GLIS3: variants seen among roughly 807,000 people sequenced by gnomAD.
GLIS3 encodes GLIS family zinc finger 3.
Under a neutral mutation model 78.6 loss-of-function variants are expected in GLIS3, and 53 were observed. The ratio of observed to expected loss-of-function variants is 0.67; its 90% CI spans 0.54 to 0.85. The LOEUF (loss-of-function observed/expected upper bound fraction) is 0.85. GLIS3 is among the 40% of genes least tolerant of loss of function. The pLI, the probability that GLIS3 is intolerant of heterozygous loss-of-function variation, is 0.00. For missense variants in GLIS3, 1,703 were observed against 1,231.1 expected (o/e 1.38, Z -5.74); for synonymous variants, 684 against 509.9 (o/e 1.34, Z -4.60).
chr9:4,321,111 A>G (rs1342496981), intron 2 of GLIS3, among the ~76,000 whole-genome samples: 1 of 143,374 alleles, frequency 7.0e-6, no homozygotes, highest in East Asian at 2.0e-4. Context: ...AATACTCAGC[A>G]TGGTCTCCGC....
rs75067046 is a variant in GLIS3 at position 4,182,335 on chromosome 9, C to T, written c.389-56394G>A. Among the ~76,000 whole-genome samples, 1,387 of 152,250 alleles carry T rather than the reference C, an allele frequency of 9.1e-3. 17 individuals are homozygous for T. The highest frequency in any genetic ancestry group is 0.031 in the African/African-American group (1,280 of 41,522). On this transcript the variant is annotated intron_variant, in intron 2 of 10. Transcript: ENST00000381971. ...AGTCCTCATCACTCTACAGTGGTGT[C>T]GTCCGTACTCCTTCAACACTCTTAA...
At chr9:3,987,191 T>C (rs1221485826) in intron 4 of GLIS3, among the ~76,000 whole-genome samples, 2 of 152,084 alleles carry the variant, frequency 1.3e-5, no homozygotes, top group African/African-American at 4.8e-5. Flanking sequence ...TTTTAAAACT[T>C]GCTGGAAGGG....
At chr9:4,248,234 C>G (rs956089229) in intron 2 of GLIS3, among the ~76,000 whole-genome samples, 1 of 126,020 alleles carries the variant, frequency 7.9e-6, no homozygotes, top group African/African-American at 2.5e-5. Context: ...GTTATCCTTC[C>G]CCCAGCCCCC....
chr9:3,999,260 A>G (rs1015992028), intron 4 of GLIS3, among the ~76,000 whole-genome samples: 3 of 152,158 alleles, frequency 2.0e-5, no homozygotes, highest in Non-Finnish European at 2.9e-5. Flanking sequence ...CTGTTGTTTC[A>G]TATTTGTAGA....
At chr9:4,261,560 A>T (rs1003525911) in intron 2 of GLIS3, among the ~76,000 whole-genome samples, 1 of 152,184 alleles carries the variant, frequency 6.6e-6, no homozygotes, top group African/African-American at 2.4e-5. Flanking sequence ...GAAGGCCAGT[A>T]ACAAAAATGA....
At chr9:4,185,262 T>C (rs1586909980) in intron 2 of GLIS3, among the ~76,000 whole-genome samples, 1 of 152,232 alleles carries the variant, frequency 6.6e-6, no homozygotes, top group Non-Finnish European at 1.5e-5. Flanking sequence ...TTGAAGTTTG[T>C]CTATGATGTA....
At chr9:4,050,444 T>TCG (rs1825662762) in intron 4 of GLIS3, among the ~76,000 whole-genome samples, 1 of 151,922 alleles carries the variant, frequency 6.6e-6, no homozygotes, top group Non-Finnish European at 1.5e-5. Context: ...CCAGGGCCTG[T>TCG]TGGTGGGTGG....
intron 2 of GLIS3, among the ~76,000 whole-genome samples, chr9:4,135,321 C>T (rs150046575): frequency 2.4e-4 from 36 of 152,224 alleles, no homozygotes; most frequent in East Asian, 1.2e-3. Flanking sequence ...AATCCACCCC[C>T]GACATCTATC....
At chr9:3,955,585 G>C (rs772386533) in intron 4 of GLIS3, among the ~76,000 whole-genome samples, 4 of 152,088 alleles carry the variant, frequency 2.6e-5, no homozygotes, top group African/African-American at 7.2e-5. Context: ...GTTATGGTTG[G>C]CGTTGGATTA....
intron 1 of GLIS3, among the ~76,000 whole-genome samples, chr9:4,296,015 A>G (rs1816466858): frequency 6.6e-6 from 1 of 152,192 alleles, no homozygotes; most frequent in African/African-American, 2.4e-5. Context: ...GGGAAAAGTA[A>G]AACAGTTAAG....
chr9:4,192,153 A>C (rs1818388242), intron 2 of GLIS3, among the ~76,000 whole-genome samples: 1 of 152,172 alleles, frequency 6.6e-6, no homozygotes, highest in South Asian at 2.1e-4. Flanking sequence ...AAAAACACTC[A>C]GTTTCCCATA....
In GLIS3 at chr9:4,190,790, T is replaced by C. The variant is rs372877221; in HGVS notation, c.389-64849A>G. ...GTTAAGGGCAGCCAGAGAGAAAGGT[T>C]GGGTTACCCACAAAGGAAAGCCCAT... On this transcript the variant is annotated intron_variant, in intron 2 of 10. Coordinates refer to ENST00000381971, the MANE Select transcript of GLIS3 (RefSeq NM_001042413.2). Among the ~76,000 whole-genome samples, 8 of 152,234 alleles carry C rather than the reference T, an allele frequency of 5.3e-5. No homozygotes were observed. The South Asian group carries it at 1.5e-3, about 28-fold the overall frequency.
intron 2 of GLIS3, among the ~76,000 whole-genome samples, chr9:4,211,467 A>C (rs889928453): frequency 1.3e-5 from 2 of 152,214 alleles, no homozygotes; most frequent in Non-Finnish European, 2.9e-5. Flanking sequence ...GGAAAGAGAC[A>C]CTGTGTTACT....
the GLIS3 span, among the ~76,000 whole-genome samples, chr9:4,429,326 C>A: frequency 6.6e-6 from 1 of 151,666 alleles, no homozygotes; most frequent in South Asian, 2.1e-4. Context: ...ATGCCCCCAA[C>A]TCTCCCTTAT....
At chr9:3,841,229 G>C (rs987281663) in intron 9 of GLIS3, among the ~76,000 whole-genome samples, 3 of 152,336 alleles carry the variant, frequency 2.0e-5, no homozygotes, top group Admixed American at 6.5e-5. Context: ...ACTAATTGCA[G>C]TGTGTCTCAG....
chr9:4,288,081 T>C (rs139944156), intron 1 of GLIS3, among the ~76,000 whole-genome samples: 60 of 152,310 alleles, frequency 3.9e-4, no homozygotes, highest in African/African-American at 1.4e-3. Context: ...AGTGACCAGA[T>C]AACCTCAGTT....
At chr9:4,360,122 G>C in the GLIS3 span, among the ~76,000 whole-genome samples, 2 of 152,044 alleles carry the variant, frequency 1.3e-5, no homozygotes, top group Non-Finnish European at 2.9e-5. Context: ...CTCAATGAGG[G>C]CACAGGTTTT....
chr9:4,085,968 C>T (rs547555241), intron 4 of GLIS3, among the ~76,000 whole-genome samples: 8 of 152,114 alleles, frequency 5.3e-5, no homozygotes, highest in South Asian at 2.1e-4. Flanking sequence ...TTTATAGCAA[C>T]GCAAGAATGG....
chr9:3,947,277 G>A (rs753771512), intron 4 of GLIS3, among the ~76,000 whole-genome samples: 1 of 152,202 alleles, frequency 6.6e-6, no homozygotes, highest in Non-Finnish European at 1.5e-5. Flanking sequence ...TGGTTTAACA[G>A]AACTAAGCAA....
Sources: allele counts gnomAD v4.1 joint callset (sites outside exome capture counted in the v4.1 genomes callset), GRCh38; gene constraint gnomAD v4.1.1; transcripts MANE v1.5; gene names NCBI Gene and HGNC (gene_info 2026-07-23, HGNC 2026-07-21).